The following OXR1 variants were observed in gnomAD, a reference collection of about 807,000 sequenced individuals.
The protein encoded by OXR1 is oxidation resistance protein 1.
Under a neutral mutation model 104.6 loss-of-function variants are expected in OXR1, and 41 were observed. The ratio of observed to expected loss-of-function variants is 0.39; its 90% confidence interval spans 0.31 to 0.51. OXR1 has a LOEUF of 0.51. Ranked by LOEUF, OXR1 falls within the 20% of genes least tolerant of loss-of-function variation. The pLI is 0.77. For missense variants in OXR1, 955 were observed against 1,031.9 expected (o/e 0.93, Z 1.02); for synonymous variants, 348 against 348.4 (o/e 1.00, Z 0.01).
intron 1 of OXR1, among the ~76,000 whole-genome samples, chr8:106,354,628 C>A (rs1479035309): frequency 6.6e-6 from 1 of 152,044 alleles, no homozygotes; most frequent in Non-Finnish European, 1.5e-5. Context: ...AACCTTGAAC[C>A]ATTTTGGTTC....
chr8:106,721,299 T>C (rs1404198333), intron 11 of OXR1, among the ~76,000 whole-genome samples: 1 of 152,176 alleles, frequency 6.6e-6, no homozygotes, highest in Non-Finnish European at 1.5e-5. Context: ...TCAGTATCTT[T>C]CATACTACAA....
intron 1 of OXR1, among the ~76,000 whole-genome samples, chr8:106,321,232 G>A (rs1449380675): frequency 6.6e-6 from 1 of 152,134 alleles, no homozygotes; most frequent in Non-Finnish European, 1.5e-5. Flanking sequence ...TTGTTGATAG[G>A]ACAACTGATG....
chr8:106,468,905 C>G (rs1385128235), intron 2 of OXR1, among the ~76,000 whole-genome samples: 1 of 151,546 alleles, frequency 6.6e-6, no homozygotes, highest in Non-Finnish European at 1.5e-5. Context: ...TCATGAAAAT[C>G]AAGGGCAGAA....
At chr8:106,370,978 G>A (rs1816681742) in intron 2 of OXR1, among the ~76,000 whole-genome samples, 1 of 151,854 alleles carries the variant, frequency 6.6e-6, no homozygotes, top group African/African-American at 2.4e-5. Flanking sequence ...AATGGTACCA[G>A]CTCCTCTTTG....
At chr8:106,477,176 T>C (rs1041919159) in intron 2 of OXR1, among the ~76,000 whole-genome samples, 17 of 152,016 alleles carry the variant, frequency 1.1e-4, no homozygotes, top group African/African-American at 3.9e-4. Flanking sequence ...ATGGGTCCTG[T>C]GGTGTTATTC....
At chr8:106,658,166 G>A in intron 3 of OXR1, 3 of 1,243,766 alleles carry the variant, frequency 2.4e-6, no homozygotes, top group Non-Finnish European at 1.0e-6. Context: ...CCCCGGCGCC[G>A]TCCAGCCCGG....
chr8:106,498,937 T>C (rs985609426), intron 2 of OXR1, among the ~76,000 whole-genome samples: 1 of 74,098 alleles, frequency 1.3e-5, no homozygotes. Context: ...CCGAGGCGGG[T>C]GGATCATGAG....
At chr8:106,599,184 A>C (rs1234079152) in intron 3 of OXR1, among the ~76,000 whole-genome samples, 1 of 152,154 alleles carries the variant, frequency 6.6e-6, no homozygotes, top group East Asian at 1.9e-4. Context: ...CTTTCTCCCC[A>C]GTTGCTATTT....
At chr8:106,557,879 C>A (rs62516348) in intron 3 of OXR1, among the ~76,000 whole-genome samples, 63,195 of 151,954 alleles carry the variant, frequency 0.42, 13,387 homozygotes, top group Admixed American at 0.45. Flanking sequence ...AAGAGACTTC[C>A]ATCTCAATAA....
chr8:106,653,626 C>T (rs968172555), intron 3 of OXR1, among the ~76,000 whole-genome samples: 1 of 151,726 alleles, frequency 6.6e-6, no homozygotes, highest in Non-Finnish European at 1.5e-5. Context: ...TACAAAAAAA[C>T]GATGTATAAT....
intron 2 of OXR1, among the ~76,000 whole-genome samples, chr8:106,446,669 G>A (rs74816810): frequency 1.2e-3 from 187 of 151,918 alleles, no homozygotes; most frequent in African/African-American, 4.2e-3. Flanking sequence ...AGTGACTCAT[G>A]CCTGCTATTA....
chr8:106,569,317 A>G (rs970361573), intron 3 of OXR1, among the ~76,000 whole-genome samples: 2 of 152,134 alleles, frequency 1.3e-5, no homozygotes, highest in Non-Finnish European at 2.9e-5. Context: ...AGTTCAAGTA[A>G]TCTACTCACA....
intron 1 of OXR1, among the ~76,000 whole-genome samples, chr8:106,346,815 G>A (rs1168973108): frequency 3.9e-5 from 6 of 152,098 alleles, no homozygotes; most frequent in African/African-American, 1.2e-4. Context: ...CAAGGCGGGC[G>A]GATCACGGGG....
At chr8:106,732,330 C>T (rs1833964586) in intron 11 of OXR1, among the ~76,000 whole-genome samples, 1 of 152,064 alleles carries the variant, frequency 6.6e-6, no homozygotes, top group Non-Finnish European at 1.5e-5. Flanking sequence ...ACAGTTTTAT[C>T]TCTTTCTTCC....
intron 2 of OXR1, among the ~76,000 whole-genome samples, chr8:106,436,700 T>G (rs7845625): frequency 0.23 from 34,387 of 152,044 alleles, 5,402 homozygotes; most frequent in African/African-American, 0.42. Flanking sequence ...TGTATGTTTC[T>G]CTCTGTCAGC....
intron 11 of OXR1, among the ~76,000 whole-genome samples, chr8:106,719,877 C>T (rs1022164770): frequency 3.3e-5 from 5 of 152,116 alleles, no homozygotes; most frequent in African/African-American, 1.2e-4. Context: ...GTCATCTTGG[C>T]TCACTGCAAG....
chr8:106,398,488 T>C (rs1393620384), intron 2 of OXR1, among the ~76,000 whole-genome samples: 1 of 152,170 alleles, frequency 6.6e-6, no homozygotes, highest in Non-Finnish European at 1.5e-5. Flanking sequence ...TATTCTGCCT[T>C]GGGCAAGGAA....
chr8:106,581,224 A>C lies in OXR1; in HGVS notation c.220+62085A>C, dbSNP rs771186596. The C allele has an allele frequency of 2.6e-5, 34 of 1,288,306 alleles. 3 individuals carry two copies. The South Asian group carries it at 4.1e-4, about 15-fold the overall frequency. The allele number at this position is 1,288,306 out of a possible 1,614,324, so 79.8% of individuals were successfully genotyped here. On this transcript the variant is annotated intron_variant, in intron 3 of 16. Transcript: ENST00000517566. ...CTGCAGAAAGCTGAATTCCAAGGAA[A>C]TATGCCCAATATCCATGAAGCTGAG...
intron 3 of OXR1, among the ~76,000 whole-genome samples, chr8:106,639,703 T>C (rs1823468005): frequency 6.6e-6 from 1 of 152,190 alleles, no homozygotes; most frequent in African/African-American, 2.4e-5. Context: ...CATGATATGA[T>C]AGTTTAGGAT....
Sources: gnomAD v4.1 joint callset for allele counts (sites outside exome capture counted in the v4.1 genomes callset) on GRCh38, gnomAD v4.1.1 for gene constraint, MANE v1.5 for transcripts, NCBI Gene and HGNC (gene_info 2026-07-23, HGNC 2026-07-21) for gene names.